The following CCDC9 variants were observed in gnomAD, a reference collection of about 807,000 sequenced individuals.
The protein encoded by CCDC9 is coiled-coil domain-containing protein 9.
In CCDC9, 52 loss-of-function variants were observed where a neutral mutation model predicts 65.6. That is an observed-to-expected ratio of 0.79 (90% confidence interval 0.63 to 1.00). The LOEUF (loss-of-function observed/expected upper bound fraction) is 1.00. Ranked by LOEUF, CCDC9 falls within the 50% of genes least tolerant of loss-of-function variation. CCDC9 has a pLI of 0.00. For synonymous variants in CCDC9, 332 were observed against 280.3 expected, an observed-to-expected ratio of 1.18 and a Z score of -1.84; for missense variants, 834 against 757.2, an observed-to-expected ratio of 1.10 and a Z score of -1.19.
downstream of CCDC9, chr19:47,274,331 CG>C (rs2059142648): frequency 2.8e-5 from 1 of 35,538 alleles, no homozygotes; most frequent in Non-Finnish European, 5.4e-5. Context: ...TCAGCGCGCG[CG>C]GGTGGGGCTC....
intron 7 of CCDC9, 26 bp downstream of exon 7, chr19:47,264,972 C>T (rs964976063): frequency 2.2e-5 from 31 of 1,429,334 alleles, no homozygotes; most frequent in East Asian, 2.5e-5. Flanking sequence ...GAGGACACCT[C>T]GGGGCTCTCA....
At chr19:47,273,481 C>A, downstream of CCDC9, 1 of 858,918 alleles carries the variant, frequency 1.2e-6, no homozygotes, top group Non-Finnish European at 1.5e-6. Flanking sequence ...CGGACCGCGG[C>A]CTCCGCGCTC....
downstream of CCDC9, chr19:47,275,486 A>T: frequency 7.9e-7 from 1 of 1,260,482 alleles, no homozygotes. Context: ...ATCCCGCGGA[A>T]TGGGGGCCCA....
rs2059116429 is a variant in CCDC9 at position 47,271,415 on chromosome 19, G to A, written c.1333G>A (p.Glu445Lys). The A allele has an allele frequency of 6.2e-7, 1 of 1,604,760 alleles. No homozygotes were observed. The highest frequency in any genetic ancestry group is 1.7e-5 in the Admixed American group (1 of 59,494). The stretch of plus-strand genomic sequence containing the variant: ...CGAGGTGGAAGAAGGTGATGAGGAG[G>A]AACCAGCCCAAGACCACCAAGCCCC... ...EIEVEEGDEE[E>K]PAQDHQAPEA... Residue 445 changes from glutamate to lysine, a missense_variant, in exon 12 of 12, where the codon GAA becomes AAA. Transcript: ENST00000221922.
intron 10 of CCDC9, 53 bp from the exon 11 acceptor site, chr19:47,271,029 T>C: frequency 7.4e-7 from 1 of 1,352,856 alleles, no homozygotes; most frequent in Admixed American, 2.6e-5. Flanking sequence ...AGGAAGCCCC[T>C]TCCTCCTGTC....
At chr19:47,261,326 C>A (rs1287686235) in intron 5 of CCDC9, among the ~76,000 whole-genome samples, 1 of 152,138 alleles carries the variant, frequency 6.6e-6, no homozygotes, top group Non-Finnish European at 1.5e-5. Flanking sequence ...CATTCTGTTT[C>A]TGTGTGTTTC....
rs1261239010 is a variant in CCDC9, at chr19:47,271,720, TGTGTGTGTGTGTGCGCGCGC to T, written c.*44_*63del. On this transcript the variant is annotated 3_prime_UTR_variant, in exon 12 of 12. Coordinates refer to ENST00000221922, the MANE Select transcript of CCDC9 (RefSeq NM_015603.3). ...GTGTGTGTGTGTGTGTGTGTGTGTG[TGTGTGTGTGTGTGCGCGCGC>T]GCGCGCGCGCGCGCGCGCGCTAGAG... 256 of 1,371,166 alleles carry T rather than the reference TGTGTGTGTGTGTGCGCGCGC, an allele frequency of 1.9e-4. No homozygotes were observed. In the African/African-American group the frequency reaches 2.2e-3, roughly 12 times the overall value. 84.9% of individuals were successfully genotyped at this position (1,371,166 alleles called of 1,614,324 possible).
chr19:47,275,180 G>T (rs1290679940), downstream of CCDC9: 5 of 1,464,728 alleles, frequency 3.4e-6, no homozygotes, highest in African/African-American at 4.5e-5. Flanking sequence ...CTGTCCCGGC[G>T]CCCGCCGCTG....
Position 47,258,391 on chromosome 19 carries a change from A to G in CCDC9, c.-10A>G. The G allele has an allele frequency of 6.2e-7, 1 of 1,614,006 alleles. No individual in the cohort carries two copies. Among genetic ancestry groups the G allele is most frequent in the Admixed American group, 1.7e-5 (1 of 59,990 alleles). On this transcript the variant is annotated 5_prime_UTR_variant, in exon 2 of 12. Transcript: ENST00000221922. ...GTTTGCTGGGACCTTGGCTCCACGC[A>G]GCCAGCGAAATGGTGAGGCTGAAAA...
intron 1 of CCDC9, chr19:47,257,597 T>A (rs962046931): frequency 6.6e-6 from 1 of 152,296 alleles, no homozygotes; most frequent in Admixed American, 6.6e-5. Flanking sequence ...GTTTTGTCCT[T>A]GTTGGGGCGG....
intron 1 of CCDC9, among the ~76,000 whole-genome samples, 159 bp downstream of exon 1, chr19:47,256,768 G>A (rs1222859296): frequency 7.2e-6 from 1 of 139,254 alleles, no homozygotes; most frequent in Non-Finnish European, 1.6e-5. Flanking sequence ...TGGCGGGGCG[G>A]GCCGTTGGGT....
intron 5 of CCDC9, among the ~76,000 whole-genome samples, chr19:47,261,291 G>A (rs1042051679): frequency 2.0e-5 from 3 of 152,046 alleles, no homozygotes; most frequent in African/African-American, 7.2e-5. Flanking sequence ...TATCTGGTGT[G>A]CTTGTGAGCA....
Position 47,270,439 on chromosome 19 carries a change from C to T in CCDC9, c.935C>T (p.Pro312Leu). 3.1e-6 allele frequency: 5 copies of T among 1,614,202 alleles called. No homozygotes were observed. Among genetic ancestry groups the T allele is most frequent in the South Asian group, 1.1e-5 (1 of 91,084 alleles). ...GATGGCCCAGTCCCTGCCCATGAAC[C>T]ATCCCACCGCTATGGTGAGTGGGTG... ...FKDGPVPAHEPSHRYDDQAWA... is the reference protein window; with the variant it reads ...FKDGPVPAHELSHRYDDQAWA... Residue 312 changes from proline to leucine, a missense_variant, in exon 9 of 12, where the codon CCA becomes CTA. Coordinates refer to ENST00000221922, the MANE Select transcript of CCDC9 (RefSeq NM_015603.3).
rs1273280767 is a variant in CCDC9, at chr19:47,258,598, G to A, written c.43G>A (p.Ala15Thr). Residue 15 changes from alanine (A) to threonine (T), a missense_variant, in exon 3 of 12, where the codon GCT becomes ACT. Ala to Thr is a moderately conservative substitution (Grantham distance 58). Coordinates refer to ENST00000221922, the MANE Select transcript of CCDC9 (RefSeq NM_015603.3). ...LDLKSKEEKD[A>T]ELDKRIEALR... is the part of the protein sequence containing the mutation. ...TTTGAAATCAAAGGAGGAGAAGGAT[G>A]CTGAGTTGGACAAGAGGATCGAGGC... 5 of 1,614,068 alleles carry A rather than the reference G, an allele frequency of 3.1e-6. No homozygotes were observed. In the South Asian group the frequency reaches 4.4e-5, roughly 14 times the overall value.
chr19:47,265,985 T>C (rs10407892), intron 7 of CCDC9, among the ~76,000 whole-genome samples: 14,972 of 44,538 alleles, frequency 0.34, 1,689 homozygotes, highest in South Asian at 0.53. Flanking sequence ...CGCTCCTGGC[T>C]TTTTTTTTTT....
downstream of CCDC9, chr19:47,273,792 C>T: frequency 6.9e-6 from 2 of 287,794 alleles, no homozygotes; most frequent in Non-Finnish European, 1.2e-5. Flanking sequence ...GCTTGAATTA[C>T]TCGGGCGCCA....
intron 3 of CCDC9, among the ~76,000 whole-genome samples, chr19:47,259,028 C>T (rs1248669058): frequency 6.6e-6 from 1 of 152,130 alleles, no homozygotes; most frequent in Non-Finnish European, 1.5e-5. Context: ...CTGTGGGAGT[C>T]CAGAGGAGGC....
Position 47,260,407 on chromosome 19 carries a change from C to T in CCDC9, c.195C>T (p.Asn65=), listed in dbSNP as rs1355039536. Residue 65 remains asparagine, a synonymous_variant, in exon 4 of 12, where the codon AAC becomes AAT. Coordinates refer to ENST00000221922, the MANE Select transcript of CCDC9 (RefSeq NM_015603.3). ...AGGGCCGCTCAGTGGAGAAGGAGAA[C>T]GTGGCAGTGGAGTCGGTGAGCTCGT... is the stretch of plus-strand genomic sequence containing the variant. ...PRKGRSVEKE[N]VAVESEKNLG... The T allele has an allele frequency of 5.0e-6, 8 of 1,607,706 alleles. No individual in the cohort carries two copies. Among genetic ancestry groups the T allele is most frequent in the South Asian group, 1.1e-5 (1 of 89,916 alleles).
intron 7 of CCDC9, among the ~76,000 whole-genome samples, chr19:47,265,375 T>C (rs891457266): frequency 6.6e-6 from 1 of 152,014 alleles, no homozygotes; most frequent in African/African-American, 2.4e-5. Context: ...TTATTAAGGA[T>C]TTATGGTATG....
Sources: gnomAD v4.1 joint callset for allele counts (sites outside exome capture counted in the v4.1 genomes callset) on GRCh38, gnomAD v4.1.1 for gene constraint, MANE v1.5 for transcripts, NCBI Gene and HGNC (gene_info 2026-07-23, HGNC 2026-07-21) for gene names.